Variants in KCNA3 observed in about 807,000 individuals in gnomAD.
The protein encoded by KCNA3 is potassium voltage-gated channel subfamily A member 3, also known as RP11-284N8.3.
KCNA3 carries 18 observed loss-of-function variants against 34.3 expected under a neutral mutation model. The ratio of observed to expected loss-of-function variants is 0.52; its 90% CI spans 0.36 to 0.78. The LOEUF is 0.78. Among genes scored for constraint, KCNA3 ranks in the 30% least tolerant of loss-of-function variants. KCNA3 has a pLI of 0.00. For missense variants in KCNA3, 587 were observed against 802.5 expected, an observed-to-expected ratio of 0.73 and a Z score of 3.24; for synonymous variants, 324 against 351.7, an observed-to-expected ratio of 0.92 and a Z score of 0.88.
chr1:110,659,461 G>A, the KCNA3 span, among the ~76,000 whole-genome samples: 79 of 152,210 alleles, frequency 5.2e-4, 2 homozygotes, highest in Admixed American at 8.5e-4. Flanking sequence ...ATATGTGCTG[G>A]CAGATGGATC....
At chr1:110,661,672 C>A in the KCNA3 span, among the ~76,000 whole-genome samples, 1 of 152,066 alleles carries the variant, frequency 6.6e-6, no homozygotes, top group Non-Finnish European at 1.5e-5. Context: ...CCTTAAAAAA[C>A]AACCTCATGT....
At chr1:110,666,833 T>G in the KCNA3 span, among the ~76,000 whole-genome samples, 4 of 152,190 alleles carry the variant, frequency 2.6e-5, no homozygotes, top group Non-Finnish European at 4.4e-5. Flanking sequence ...TATTTACTAT[T>G]TCAGTGAATG....
Position 110,673,229 on chromosome 1 carries a change from C to G in KCNA3, c.1581G>C (p.Ser527=). 1 of 1,614,112 alleles carries G rather than the reference C, an allele frequency of 6.2e-7. No homozygotes were observed. The highest frequency in any genetic ancestry group is 8.5e-7 in the Non-Finnish European group (1 of 1,180,032). Residue 527 remains serine (S), a synonymous_variant, in exon 1 of 1, where the codon TCG becomes TCC. Coordinates refer to ENST00000369769, the MANE Select transcript of KCNA3 (RefSeq NM_002232.5). The surrounding 1 kb of genome is among the most constrained non-coding windows in gnomAD (Gnocchi z 8.8). The part of the protein sequence containing the change: ...KARSNSTLSK[S]EYMVIEEGGM... ...CCCCCTCTTCGATCACCATATACTC[C>G]GACTTACTCAGAGTCGAGTTACTCC...
the KCNA3 span, among the ~76,000 whole-genome samples, chr1:110,659,965 A>G: frequency 6.6e-6 from 1 of 152,172 alleles, no homozygotes; most frequent in East Asian, 1.9e-4. Flanking sequence ...GGATAGCGTT[A>G]GGAGAAATAC....
chr1:110,668,206 A>G (rs1651756781), downstream of KCNA3, among the ~76,000 whole-genome samples: 1 of 152,082 alleles, frequency 6.6e-6, no homozygotes, highest in South Asian at 2.1e-4. Flanking sequence ...CCTCTTCCAC[A>G]TTCTTATGCT....
chr1:110,674,711 G>C lies in KCNA3; in HGVS notation c.99C>G (p.His33Gln). Residue 33 changes from histidine to glutamine, a missense_variant, in exon 1 of 1, where the codon CAC (histidine) becomes CAG (glutamine). This residue lies in a region of KCNA3 where 341 missense variants were observed against 355.4 expected (regional missense o/e 0.96). Coordinates refer to ENST00000369769, the MANE Select transcript of KCNA3 (RefSeq NM_002232.5). The surrounding 1 kb of genome is among the most constrained non-coding windows in gnomAD (Gnocchi z 6.4). ...CCGCGTAGCCGTGGTTCACCAGCGT[G>C]TGGGCACCGCCGCTGCTCGCTGGGC... is the stretch of plus-strand genomic sequence containing the variant. Reference protein sequence around the residue: ...PQRPASSGGAHTLVNHGYAEP... With the variant: ...PQRPASSGGAQTLVNHGYAEP... 1 of 1,478,408 alleles carries C rather than the reference G, an allele frequency of 6.8e-7. No homozygotes were observed. Among genetic ancestry groups the C allele is most frequent in the Non-Finnish European group, 8.9e-7 (1 of 1,124,132 alleles). 91.6% of individuals were successfully genotyped at this position (1,478,408 alleles called of 1,614,324 possible).
chr1:110,674,635 C>T lies in KCNA3; in HGVS notation c.175G>A (p.Asp59Asn), dbSNP rs779435375. 1.4e-5 allele frequency: 21 copies of T among 1,547,184 alleles called. No homozygotes were observed. Among genetic ancestry groups the T allele is most frequent in the South Asian group, 7.2e-5 (6 of 83,266 alleles). The change falls in exon 1 of 1, where the codon GAC becomes AAC. Residue 59 changes from aspartate (D) to asparagine (N), a missense_variant. Physicochemically the swap from Asp to Asn is conservative, Grantham distance 23 (BLOSUM62 1). Coordinates refer to ENST00000369769, the MANE Select transcript of KCNA3 (RefSeq NM_002232.5). The surrounding 1 kb of genome is among the most constrained non-coding windows in gnomAD (Gnocchi z 6.4). The stretch of plus-strand genomic sequence containing the variant: ...GCCACCTCCGGCTCCAGCAGGTGGT[C>T]CCCGGGCACCACGGTCATGTCGGGC... ...LPPDMTVVPG[D>N]HLLEPEVADG...
At chr1:110,655,770 T>C in the KCNA3 span, 4 of 152,276 alleles carry the variant, frequency 2.6e-5, no homozygotes, top group Non-Finnish European at 5.9e-5. Flanking sequence ...TATTTCTGTA[T>C]TATTCAATTT....
Position 110,673,439 on chromosome 1 carries a change from G to A in KCNA3, c.1371C>T (p.Gly457=). 1 of 1,614,116 alleles carries A rather than the reference G, an allele frequency of 6.2e-7. No homozygotes were observed. The highest frequency in any genetic ancestry group is 1.3e-5 in the African/African-American group (1 of 75,022). The change falls in exon 1 of 1, where the codon GGC becomes GGT. Residue 457 remains glycine, a synonymous_variant. Transcript: ENST00000369769. The surrounding 1 kb of genome is among the most constrained non-coding windows in gnomAD (Gnocchi z 8.8). Reference sequence around the variant, plus strand: ...TGGCACAGAGAGATCCCACAATCTTGCCCCCTATGGTCACTGGGTGCATAT... The same window carrying A: ...TGGCACAGAGAGATCCCACAATCTTACCCCCTATGGTCACTGGGTGCATAT... ...YGDMHPVTIG[G]KIVGSLCAIA...
chr1:110,653,903 CTTAT>C, the KCNA3 span: 2 of 152,112 alleles, frequency 1.3e-5, no homozygotes, highest in African/African-American at 2.4e-5. Context: ...ATAATGCTTG[CTTAT>C]TTGATGAAGA....
At chr1:110,656,896 T>A in the KCNA3 span, 1 of 152,190 alleles carries the variant, frequency 6.6e-6, no homozygotes, top group Non-Finnish European at 1.5e-5. Context: ...TTTGATCCCA[T>A]TATAGATCAG....
Position 110,673,679 on chromosome 1 carries a change from C to T in KCNA3, c.1131G>A (p.Leu377=). The T allele has an allele frequency of 6.2e-7, 1 of 1,614,204 alleles. No individual in the cohort carries two copies. Among genetic ancestry groups the T allele is most frequent in the Non-Finnish European group, 8.5e-7 (1 of 1,180,042 alleles). ...RLVRVFRIFK[L]SRHSKGLQIL... ...TCTGCAGCCCCTTGGAGTGGCGCGACAGCTTGAAGATGCGGAAGACCCTTA... is the reference window on the plus strand; with the variant it reads ...TCTGCAGCCCCTTGGAGTGGCGCGATAGCTTGAAGATGCGGAAGACCCTTA... Residue 377 remains leucine, a synonymous_variant, in exon 1 of 1, where the codon CTG becomes CTA. Coordinates refer to ENST00000369769, the MANE Select transcript of KCNA3 (RefSeq NM_002232.5). The surrounding 1 kb of genome is among the most constrained non-coding windows in gnomAD (Gnocchi z 8.8).
rs1652037275 is a variant in KCNA3, at chr1:110,674,902, G to A, written c.-93C>T. ...CCTCCGCCCCCGAGCCGAGCCCACCGCCTGTTGCAGCCAAAGCCGCGATGC... is the reference window on the plus strand; with the variant it reads ...CCTCCGCCCCCGAGCCGAGCCCACCACCTGTTGCAGCCAAAGCCGCGATGC... On this transcript the variant is annotated 5_prime_UTR_variant, in exon 1 of 1. Coordinates refer to ENST00000369769, the MANE Select transcript of KCNA3 (RefSeq NM_002232.5). The surrounding 1 kb of genome is among the most constrained non-coding windows in gnomAD (Gnocchi z 6.4). 2 of 1,264,048 alleles carry A rather than the reference G, an allele frequency of 1.6e-6. No individual in the cohort carries two copies. The highest frequency in any genetic ancestry group is 2.0e-6 in the Non-Finnish European group (2 of 1,006,326). The allele number at this position is 1,264,048 out of a possible 1,614,324, so 78.3% of individuals were successfully genotyped here.
downstream of KCNA3, among the ~76,000 whole-genome samples, chr1:110,671,143 G>T (rs773393412): frequency 2.0e-5 from 3 of 152,104 alleles, no homozygotes; most frequent in Admixed American, 6.5e-5. Flanking sequence ...AGTAGATTCT[G>T]CCATTTATCC....
the KCNA3 span, among the ~76,000 whole-genome samples, chr1:110,665,677 A>G: frequency 1.3e-5 from 2 of 152,328 alleles, no homozygotes; most frequent in African/African-American, 2.4e-5. Flanking sequence ...CTATGAGAAT[A>G]AGACAGAATG....
the KCNA3 span, among the ~76,000 whole-genome samples, chr1:110,663,137 A>T: frequency 6.6e-6 from 1 of 152,202 alleles, no homozygotes; most frequent in Non-Finnish European, 1.5e-5. Context: ...TAAATGTCTA[A>T]TACCTTGACT....
In KCNA3 at chr1:110,674,608, C is replaced by A. The variant is rs538067203; in HGVS notation, c.202G>T (p.Asp68Tyr). ...CCTTGAGGCGGGGCCCCTCCACCATCGGCCACCTCCGGCTCCAGCAGGTGG... is the reference window on the plus strand; with the variant it reads ...CCTTGAGGCGGGGCCCCTCCACCATAGGCCACCTCCGGCTCCAGCAGGTGG... ...GDHLLEPEVA[D>Y]GGGAPPQGGC... Residue 68 changes from aspartate to tyrosine, a missense_variant, in exon 1 of 1, where the codon GAT becomes TAT. By Grantham distance (160) the Asp-to-Tyr change is radical. Around this residue, in one of 7 missense-constraint regions of KCNA3, gnomAD observed 341 missense variants for 355.4 expected, o/e 0.96. Transcript: ENST00000369769. This position sits in a 1 kb window ranked among gnomAD's most constrained non-coding sequence, Gnocchi z 6.4. 1 of 1,561,626 alleles carries A rather than the reference C, an allele frequency of 6.4e-7. No homozygotes were observed. Among genetic ancestry groups the A allele is most frequent in the African/African-American group, 1.4e-5 (1 of 71,204 alleles).
the KCNA3 span, chr1:110,654,625 C>A: frequency 2.6e-5 from 4 of 152,074 alleles, no homozygotes; most frequent in Non-Finnish European, 4.4e-5. Flanking sequence ...TTGAATATCA[C>A]CCTGTGGAAG....
chr1:110,656,751 A>G, the KCNA3 span: 1 of 152,122 alleles, frequency 6.6e-6, no homozygotes, highest in Non-Finnish European at 1.5e-5. Flanking sequence ...AGTGTGCAAT[A>G]AGGCTCTGGT....
Sources: gnomAD v4.1 joint callset for allele counts (sites outside exome capture counted in the v4.1 genomes callset) on GRCh38, gnomAD v4.1.1 for gene constraint, gnomAD v4.1.1 regional missense constraint, Gnocchi (gnomAD v3.1) non-coding constraint, MANE v1.5 for transcripts, NCBI Gene and HGNC (gene_info 2026-07-23, HGNC 2026-07-21) for gene names.